Variants in DNAH11 observed in about 807,000 individuals in gnomAD.
DNAH11 encodes the protein axonemal beta dynein heavy chain 11.
DNAH11 carries 442 observed loss-of-function variants against 526.0 expected under a neutral mutation model. The ratio of observed to expected loss-of-function variants is 0.84; its 90% CI spans 0.78 to 0.91. DNAH11 has a LOEUF of 0.91. DNAH11 is among the 40% of genes least tolerant of loss of function. The pLI is 0.00. For synonymous variants in DNAH11, 2,461 were observed against 1,935.9 expected, an observed-to-expected ratio of 1.27 and a Z score of -7.12; for missense variants, 6,989 against 5,448.7, an observed-to-expected ratio of 1.28 and a Z score of -8.90.
chr7:21,848,990 A>G (rs1583769256), intron 66 of DNAH11, among the ~76,000 whole-genome samples: 1 of 152,286 alleles, frequency 6.6e-6, no homozygotes, highest in East Asian at 1.9e-4. Context: ...GGTTCAAACA[A>G]TTCTCCTGCC....
At chr7:21,877,603 C>T (rs536832913) in intron 74 of DNAH11, among the ~76,000 whole-genome samples, 9 of 151,730 alleles carry the variant, frequency 5.9e-5, no homozygotes, top group Middle Eastern at 3.4e-3. Context: ...AGGCTAGGCA[C>T]GGTGGCTCAC....
At chr7:21,836,139 T>C (rs1781987938) in intron 65 of DNAH11, among the ~76,000 whole-genome samples, 1 of 152,042 alleles carries the variant, frequency 6.6e-6, no homozygotes. Flanking sequence ...TGTTCATGGA[T>C]TGAAAGAATT....
intron 61 of DNAH11, among the ~76,000 whole-genome samples, chr7:21,791,826 G>A (rs1417191846): frequency 3.3e-5 from 5 of 152,178 alleles, no homozygotes; most frequent in Admixed American, 3.3e-4. Flanking sequence ...AAAAGTCTGG[G>A]TCAGGAATAT....
chr7:21,744,913 G>A lies in DNAH11; in HGVS notation c.8360G>A (p.Cys2787Tyr). ...HMLLQQPLIY[C>Y]HFADRGKDPH... ...CTGCTTCAACAGCCCCTCATTTATT[G>A]CCACTTTGCTGATAGAGGGAAGGAC... The change falls in exon 51 of 82, where the codon TGC (cysteine) becomes TAC (tyrosine). Residue 2787 changes from cysteine to tyrosine, a missense_variant. Physicochemically the swap from Cys to Tyr is radical, Grantham distance 194. Coordinates refer to ENST00000409508, the MANE Select transcript of DNAH11 (RefSeq NM_001277115.2). 6.2e-7 allele frequency: 1 copy of A among 1,611,084 alleles called. No homozygotes were observed.
At chr7:21,705,602 C>A in intron 39 of DNAH11, 65 bp downstream of exon 39, 1 of 1,524,822 alleles carries the variant, frequency 6.6e-7, no homozygotes, top group Non-Finnish European at 9.0e-7. Context: ...GTGGTTCGGC[C>A]TATTTTCAAT....
chr7:21,867,823 C>A (rs1462748517), intron 71 of DNAH11, 36 bp from the exon 72 acceptor site: 1 of 1,525,972 alleles, frequency 6.6e-7, no homozygotes, highest in South Asian at 1.2e-5. Flanking sequence ...AAGGTCAAAA[C>A]CACTGATCAT....
chr7:21,604,251 G>A (rs552572607), intron 18 of DNAH11, among the ~76,000 whole-genome samples: 1 of 152,222 alleles, frequency 6.6e-6, no homozygotes, highest in African/African-American at 2.4e-5. Flanking sequence ...TCTTTGTCCT[G>A]TTGGAGCATC....
At chr7:21,898,987 C>A (rs1280230503) in intron 79 of DNAH11, among the ~76,000 whole-genome samples, 1 of 151,604 alleles carries the variant, frequency 6.6e-6, no homozygotes, top group East Asian at 1.9e-4. Context: ...TCCATACCTC[C>A]AAGTTGGCGC....
At chr7:21,647,589 C>G (rs1246098519) in intron 28 of DNAH11, among the ~76,000 whole-genome samples, 4 of 152,008 alleles carry the variant, frequency 2.6e-5, no homozygotes, top group African/African-American at 9.7e-5. Flanking sequence ...ACCACCACAA[C>G]TGGCTAATTT....
intron 32 of DNAH11, among the ~76,000 whole-genome samples, chr7:21,685,921 TC>T (rs1783356182): frequency 6.6e-6 from 1 of 152,160 alleles, no homozygotes; most frequent in Non-Finnish European, 1.5e-5. Context: ...ACTTGGCAAC[TC>T]CTGACTGAAA....
intron 2 of DNAH11, 119 bp from the exon 3 acceptor site, chr7:21,558,683 T>G (rs1783317974): frequency 4.5e-6 from 3 of 666,366 alleles, no homozygotes; most frequent in Non-Finnish European, 7.2e-6. Context: ...CTTTGTAGAT[T>G]TGATATCATT....
chr7:21,811,385 G>A (rs1789512636), intron 63 of DNAH11, among the ~76,000 whole-genome samples: 1 of 151,964 alleles, frequency 6.6e-6, no homozygotes, highest in Non-Finnish European at 1.5e-5. Flanking sequence ...AAACCCAGGA[G>A]GCGGAAGTTG....
In DNAH11 at chr7:21,618,999, C is replaced by T; in HGVS notation, c.4255-101C>T. 2.1e-6 allele frequency: 3 copies of T among 1,442,030 alleles called. No individual in the cohort carries two copies. In the South Asian group the frequency reaches 3.6e-5, roughly 17 times the overall value. 89.3% of individuals were successfully genotyped at this position (1,442,030 alleles called of 1,614,324 possible). A position where few individuals can be genotyped will look rare whatever the true frequency, so the allele number is the denominator to read the frequency against. The stretch of plus-strand genomic sequence containing the variant: ...GACGAGAGATGTACTCAGCACCTGA[C>T]TTGAGTATATTTTAGTTAAGATTCA... On this transcript the variant is annotated intron_variant, in intron 23 of 81. Transcript: ENST00000409508.
At chr7:21,625,347 G>A (rs182550671) in intron 25 of DNAH11, among the ~76,000 whole-genome samples, 311 of 152,026 alleles carry the variant, frequency 2.0e-3, no homozygotes, top group African/African-American at 6.6e-3. Flanking sequence ...TATTTCTGTC[G>A]TATCAGTTGT....
At position 21,748,722 on chromosome 7, in the gene DNAH11, T is replaced by C; in HGVS notation, c.8653T>C (p.Tyr2885His). ...EVFQITLTEGYGIQELRVDLA... is the reference protein window; with the variant it reads ...EVFQITLTEGHGIQELRVDLA... ...CTTTCAGATCACTCTGACCGAGGGC[T>C]ATGGAATCCAGGAACTTCGGGTGAG... The change falls in exon 52 of 82, where the codon TAT becomes CAT. Residue 2885 changes from tyrosine (Y) to histidine (H), a missense_variant. Tyr to His is a moderately conservative substitution (Grantham distance 83, BLOSUM62 2). Coordinates refer to ENST00000409508, the MANE Select transcript of DNAH11 (RefSeq NM_001277115.2). The C allele has an allele frequency of 3.1e-6, 5 of 1,613,282 alleles. No homozygotes were observed. The highest frequency in any genetic ancestry group is 2.5e-6 in the Non-Finnish European group (3 of 1,179,526).
At position 21,698,176 on chromosome 7, in the gene DNAH11, C is replaced by T. The variant is rs184241449; in HGVS notation, c.6143C>T (p.Thr2048Met). 27 of 1,613,584 alleles carry T rather than the reference C, an allele frequency of 1.7e-5. No homozygotes were observed. Among genetic ancestry groups the T allele is most frequent in the South Asian group, 1.3e-4 (12 of 91,034 alleles). ...DARALARKFI[T>M]LYTLCKELLS... Reference sequence around the variant, plus strand: ...CGTGCATTAGCCCGAAAGTTCATTACGTTGTACACGCTTTGCAAGGAGCTT... The same window carrying T: ...CGTGCATTAGCCCGAAAGTTCATTATGTTGTACACGCTTTGCAAGGAGCTT... Residue 2048 changes from threonine to methionine, a missense_variant, in exon 36 of 82, where the codon ACG becomes ATG. By Grantham distance (81) the Thr-to-Met change is moderately conservative. Coordinates refer to ENST00000409508, the MANE Select transcript of DNAH11 (RefSeq NM_001277115.2).
At chr7:21,897,337 T>C (rs1026227371) in intron 79 of DNAH11, among the ~76,000 whole-genome samples, 2 of 150,946 alleles carry the variant, frequency 1.3e-5, no homozygotes, top group African/African-American at 4.9e-5. Flanking sequence ...GAATGACAGT[T>C]TGGCCAGTTA....
intron 73 of DNAH11, among the ~76,000 whole-genome samples, chr7:21,871,233 C>G (rs1444901452): frequency 6.6e-6 from 1 of 152,202 alleles, no homozygotes; most frequent in African/African-American, 2.4e-5. Context: ...CACCAGAAGG[C>G]TTGTGAATTA....
chr7:21,799,868 T>C (rs1314371596), intron 61 of DNAH11, among the ~76,000 whole-genome samples: 1 of 152,228 alleles, frequency 6.6e-6, no homozygotes, highest in Non-Finnish European at 1.5e-5. Context: ...TAAAGTTTCT[T>C]GGAACTTTGC....
Sources: allele counts gnomAD v4.1 joint callset (sites outside exome capture counted in the v4.1 genomes callset), GRCh38; gene constraint gnomAD v4.1.1; transcripts MANE v1.5; gene names NCBI Gene and HGNC (gene_info 2026-07-23, HGNC 2026-07-21).